Variants in ZMAT4 observed in about 807,000 individuals in gnomAD.
ZMAT4 encodes zinc finger matrin-type protein 4.
In ZMAT4, 17 loss-of-function variants were observed where a neutral mutation model predicts 28.7. That is an observed-to-expected ratio of 0.59 (90% CI 0.41 to 0.89). The LOEUF is 0.89. Ranked by LOEUF, ZMAT4 falls within the 40% of genes least tolerant of loss-of-function variation. The pLI is 0.00. For missense variants in ZMAT4, 240 were observed against 283.8 expected (o/e 0.85, Z 1.11); for synonymous variants, 117 against 109.2 (o/e 1.07, Z -0.44).
intron 2 of ZMAT4, among the ~76,000 whole-genome samples, chr8:40,791,933 T>A (rs1251482455): frequency 6.6e-6 from 1 of 152,162 alleles, no homozygotes; most frequent in African/African-American, 2.4e-5. Flanking sequence ...AGAGGGGCCA[T>A]AACTCCATGT....
chr8:40,581,878 G>T (rs1298662401), intron 5 of ZMAT4, among the ~76,000 whole-genome samples: 1 of 152,140 alleles, frequency 6.6e-6, no homozygotes, highest in East Asian at 1.9e-4. Context: ...AGGTACTAGG[G>T]ATTCCAAGAT....
chr8:40,833,490 C>A (rs1212178470), intron 1 of ZMAT4, among the ~76,000 whole-genome samples: 1 of 146,738 alleles, frequency 6.8e-6, no homozygotes, highest in African/African-American at 2.5e-5. Context: ...ATCACTTGAA[C>A]CCGGCAGGCA....
intron 2 of ZMAT4, among the ~76,000 whole-genome samples, chr8:40,793,565 G>C (rs992502932): frequency 6.6e-6 from 1 of 152,182 alleles, no homozygotes; most frequent in Non-Finnish European, 1.5e-5. Flanking sequence ...TTCCATTTGG[G>C]GGTGTTTCTA....
intron 3 of ZMAT4, among the ~76,000 whole-genome samples, chr8:40,756,560 C>T (rs1812704290): frequency 6.7e-6 from 1 of 149,054 alleles, no homozygotes; most frequent in Non-Finnish European, 1.5e-5. Flanking sequence ...AAGTAGGGGA[C>T]TACATAAATT....
intron 6 of ZMAT4, among the ~76,000 whole-genome samples, chr8:40,580,784 T>C (rs1804439590): frequency 1.3e-5 from 2 of 152,200 alleles, no homozygotes; most frequent in African/African-American, 4.8e-5. Context: ...TATGTTTCTA[T>C]AATAATCAAC....
intron 1 of ZMAT4, among the ~76,000 whole-genome samples, chr8:40,891,225 G>A (rs1455505424): frequency 1.1e-5 from 1 of 93,110 alleles, no homozygotes; most frequent in African/African-American, 3.6e-5. Flanking sequence ...GAGGAGAGGA[G>A]AAGACTTGAG....
At chr8:40,669,096 T>C in intron 5 of ZMAT4, among the ~76,000 whole-genome samples, 1 of 152,062 alleles carries the variant, frequency 6.6e-6, no homozygotes. Context: ...GAAAACATTA[T>C]GAAAGTTTGG....
chr8:40,639,304 G>C (rs779401057), intron 5 of ZMAT4, among the ~76,000 whole-genome samples: 27 of 152,180 alleles, frequency 1.8e-4, no homozygotes, highest in Non-Finnish European at 3.4e-4. Context: ...GTTTCCCAGG[G>C]GTTTTTGAAT....
chr8:40,770,495 T>G (rs1390246558), intron 2 of ZMAT4, among the ~76,000 whole-genome samples: 3 of 146,254 alleles, frequency 2.1e-5, no homozygotes, highest in Admixed American at 1.4e-4. Context: ...CCTTCCTCCC[T>G]CCCTCCTTCC....
chr8:40,648,991 C>T (rs372670112), intron 5 of ZMAT4, among the ~76,000 whole-genome samples: 3 of 144,340 alleles, frequency 2.1e-5, no homozygotes, highest in African/African-American at 5.0e-5. Context: ...TAAAGACCAT[C>T]GAGACTAGGA....
intron 1 of ZMAT4, among the ~76,000 whole-genome samples, chr8:40,893,349 G>A (rs117479482): frequency 2.6e-5 from 4 of 152,296 alleles, no homozygotes; most frequent in East Asian, 1.9e-4. Flanking sequence ...AGGTTGGAGC[G>A]GAAAGGAGCC....
chr8:40,823,603 G>A (rs1206191930), intron 2 of ZMAT4, among the ~76,000 whole-genome samples: 1 of 152,156 alleles, frequency 6.6e-6, no homozygotes, highest in African/African-American at 2.4e-5. Flanking sequence ...AGGTTGCAGT[G>A]AGCTGAGATC....
In ZMAT4 at chr8:40,833,510, G is replaced by C. The variant is rs545634497; in HGVS notation, c.-4-7830C>G. ...TTGAACCCGGCAGGCAGAGGTTGCA[G>C]TGAACCGAGATCATACCACTACACT... On this transcript the variant is annotated intron_variant, in intron 1 of 6. Transcript: ENST00000297737. 1.2e-3 allele frequency among the ~76,000 whole-genome samples: 165 copies of C among 139,432 alleles called. 1 individual carries two copies. In the Middle Eastern group the frequency reaches 0.012, roughly 10 times the overall value. 91.5% of individuals were successfully genotyped at this position (139,432 alleles called of 152,430 possible). A position where few individuals can be genotyped will look rare whatever the true frequency, so the allele number is the denominator to read the frequency against.
rs1818415140 is a variant in ZMAT4, at chr8:40,885,287, TA to T, written c.-5+12395del. On this transcript the variant is annotated intron_variant, in intron 1 of 6. Transcript: ENST00000297737. ...GCCTTGGAATCATCCTCGAACCCTC[TA>T]GTCTCTCAAACCCCACCTTCAACCC... Among the ~76,000 whole-genome samples the T allele has an allele frequency of 2.6e-5, 4 of 152,230 alleles. No individual in the cohort carries two copies. The South Asian group carries it at 8.3e-4, about 32-fold the overall frequency.
intron 2 of ZMAT4, among the ~76,000 whole-genome samples, chr8:40,801,339 T>TC (rs1439538204): frequency 1.4e-5 from 1 of 69,686 alleles, no homozygotes; most frequent in African/African-American, 5.2e-5. Flanking sequence ...TGATACTTTC[T>TC]TTAAAAAAAA....
intron 4 of ZMAT4, among the ~76,000 whole-genome samples, chr8:40,686,469 G>GA (rs1019356935): frequency 6.6e-6 from 1 of 151,334 alleles, no homozygotes; most frequent in African/African-American, 2.4e-5. Flanking sequence ...CTGTCTCAAC[G>GA]AAAAAAAATT....
intron 6 of ZMAT4, among the ~76,000 whole-genome samples, chr8:40,547,032 A>G (rs1459142029): frequency 9.9e-5 from 15 of 152,198 alleles, no homozygotes; most frequent in Admixed American, 9.8e-4. Context: ...ACATTTCTTA[A>G]GGTGCATCAT....
intron 5 of ZMAT4, among the ~76,000 whole-genome samples, chr8:40,588,934 A>G (rs73622463): frequency 0.14 from 21,152 of 152,204 alleles, 2,202 homozygotes; most frequent in African/African-American, 0.29. Flanking sequence ...AGAAATATTT[A>G]CATATGTTCT....
intron 5 of ZMAT4, among the ~76,000 whole-genome samples, chr8:40,659,699 A>G (rs1808101326): frequency 6.6e-6 from 1 of 152,200 alleles, no homozygotes; most frequent in Non-Finnish European, 1.5e-5. Context: ...GAAGGAAACT[A>G]GATGGACTAC....
Sources: allele counts gnomAD v4.1 joint callset (sites outside exome capture counted in the v4.1 genomes callset), GRCh38; gene constraint gnomAD v4.1.1; transcripts MANE v1.5; gene names NCBI Gene and HGNC (gene_info 2026-07-23, HGNC 2026-07-21).